Variants in ZC3H4 observed in about 807,000 individuals in gnomAD.
The protein encoded by ZC3H4 is zinc finger CCCH-type containing 4, also known as zinc finger CCCH domain-containing protein 4.
ZC3H4 carries 13 observed loss-of-function variants against 108.3 expected under a neutral mutation model. The observed-to-expected ratio is 0.12, with a 90% CI of 0.08 to 0.19. The LOEUF (loss-of-function observed/expected upper bound fraction) is 0.19, where lower values mean the gene tolerates loss of function less well. Among genes scored for constraint, ZC3H4 ranks in the 10% least tolerant of loss-of-function variants. ZC3H4 has a pLI of 1.00. For missense variants in ZC3H4, 1,734 were observed against 1,838.8 expected (o/e 0.94, Z 1.04); for synonymous variants, 917 against 749.6 (o/e 1.22, Z -3.65).
intron 4 of ZC3H4, among the ~76,000 whole-genome samples, chr19:47,090,747 C>G (rs549020112): frequency 6.6e-5 from 10 of 152,116 alleles, no homozygotes; most frequent in Admixed American, 3.9e-4. Flanking sequence ...GGAGTAACGA[C>G]GAATATGTAA....
chr19:47,089,704 C>CT (rs1394613223), intron 5 of ZC3H4, among the ~76,000 whole-genome samples: 7 of 101,080 alleles, frequency 6.9e-5, no homozygotes, highest in Non-Finnish European at 2.1e-4. Context: ...CTGTTCCCTT[C>CT]TCCCCCCACA....
chr19:47,069,833 A>G (rs1028106543), intron 13 of ZC3H4, among the ~76,000 whole-genome samples: 8 of 152,184 alleles, frequency 5.3e-5, no homozygotes, highest in South Asian at 2.1e-4. Context: ...AGAGAATGAA[A>G]CGGGTCAAGT....
intron 11 of ZC3H4, among the ~76,000 whole-genome samples, chr19:47,079,855 C>A (rs1205988257): frequency 2.0e-5 from 3 of 152,136 alleles, no homozygotes; most frequent in African/African-American, 7.2e-5. Flanking sequence ...CCACTGCACT[C>A]CAGCCTGGGT....
intron 11 of ZC3H4, among the ~76,000 whole-genome samples, chr19:47,073,124 T>C (rs1354273384): frequency 6.8e-6 from 1 of 146,248 alleles, no homozygotes; most frequent in African/African-American, 2.6e-5. Context: ...AATACAAAAA[T>C]TAGCCAGGCA....
At chr19:47,105,049 A>G (rs1046916126) in intron 2 of ZC3H4, among the ~76,000 whole-genome samples, 1 of 152,194 alleles carries the variant, frequency 6.6e-6, no homozygotes, top group Non-Finnish European at 1.5e-5. Flanking sequence ...AGTGGAACGC[A>G]GGGAGAATGG....
Position 47,085,365 on chromosome 19 carries a change from G to C in ZC3H4, c.920C>G (p.Ser307Cys). The C allele has an allele frequency of 6.2e-7, 1 of 1,603,948 alleles. No individual in the cohort carries two copies. Among genetic ancestry groups the C allele is most frequent in the Non-Finnish European group, 8.5e-7 (1 of 1,174,750 alleles). ...PMGDDDYDEY[S>C]KELNQYRRSK... ...GCGGCGGTACTGGTTCAGCTCCTTGGAGTACTCGTCATAGTCGTCGTCTCC... is the reference window on the plus strand; with the variant it reads ...GCGGCGGTACTGGTTCAGCTCCTTGCAGTACTCGTCATAGTCGTCGTCTCC... Residue 307 changes from serine (S) to cysteine (C), a missense_variant, in exon 7 of 15, where the codon TCC becomes TGC. By Grantham distance (112) the Ser-to-Cys change is moderately radical (BLOSUM62 -1). Around this residue, in one of 9 missense-constraint regions of ZC3H4, gnomAD observed 403 missense variants for 457.0 expected, o/e 0.88. Coordinates refer to ENST00000253048, the MANE Select transcript of ZC3H4 (RefSeq NM_015168.2).
chr19:47,099,315 C>T (rs1247323016), intron 2 of ZC3H4, among the ~76,000 whole-genome samples: 1 of 152,060 alleles, frequency 6.6e-6, no homozygotes, highest in Non-Finnish European at 1.5e-5. Flanking sequence ...CAAAATTAGT[C>T]GGGCTTGGAA....
chr19:47,069,199 G>A lies in ZC3H4; in HGVS notation c.2291C>T (p.Ser764Leu), dbSNP rs2057279320. Residue 764 changes from serine (S) to leucine (L), a missense_variant, in exon 14 of 15, where the codon TCA (serine) becomes TTA (leucine). Ser to Leu is a moderately radical substitution (Grantham distance 145, BLOSUM62 -2). This residue lies in a region of ZC3H4 where 540 missense variants were observed against 484.1 expected (regional missense o/e 1.12). Transcript: ENST00000253048. ...PGAGVPDFLP[S>L]AQRALYLRIQ... ...CCTCAGGTACAGGGCCCTCTGGGCT[G>A]AGGGCAGGAAGTCAGGGACACCGGC... The A allele has an allele frequency of 6.2e-7, 1 of 1,611,998 alleles. No individual in the cohort carries two copies. Among genetic ancestry groups the A allele is most frequent in the South Asian group, 1.1e-5 (1 of 91,088 alleles).
At position 47,084,418 on chromosome 19, in the gene ZC3H4, T is replaced by A. The variant is rs377292736; in HGVS notation, c.1145A>T (p.Asp382Val). ...GGGSYRSRDH[D>V]KPHQQSDKKG... is the part of the protein sequence containing the mutation. The stretch of plus-strand genomic sequence containing the variant: ...CTTGTCCGACTGCTGGTGGGGCTTG[T>A]CATGGTCACGACTCCGGTAGCTTCC... Residue 382 changes from aspartate to valine, a missense_variant, in exon 9 of 15, where the codon GAC becomes GTC. Physicochemically the swap from Asp to Val is radical, Grantham distance 152 (BLOSUM62 -3). This residue lies in a region of ZC3H4 where 403 missense variants were observed against 457.0 expected (regional missense o/e 0.88). Coordinates refer to ENST00000253048, the MANE Select transcript of ZC3H4 (RefSeq NM_015168.2). The A allele has an allele frequency of 8.7e-6, 14 of 1,614,064 alleles. No individual in the cohort carries two copies. Among genetic ancestry groups the A allele is most frequent in the Non-Finnish European group, 1.2e-5 (14 of 1,180,034 alleles).
rs774605570 is a variant in ZC3H4, at chr19:47,094,390, T to C, written c.380A>G (p.Lys127Arg). The C allele has an allele frequency of 2.5e-6, 4 of 1,613,872 alleles. No individual in the cohort carries two copies. In the African/African-American group the frequency reaches 5.3e-5, roughly 22 times the overall value. The change falls in exon 3 of 15, where the codon AAA becomes AGA. Residue 127 changes from lysine (K) to arginine (R), a missense_variant and splice_region_variant. Coordinates refer to ENST00000253048, the MANE Select transcript of ZC3H4 (RefSeq NM_015168.2). ...RSKKRRKSKHKRHASSSDDFS... is the reference protein window; with the variant it reads ...RSKKRRKSKHRRHASSSDDFS... ...AGTCCCAGGGGATCTCCGACCTACT[T>C]TGTGCTTGGATTTCCTCCTCTTCTT...
intron 11 of ZC3H4, among the ~76,000 whole-genome samples, chr19:47,077,440 C>T (rs1369836595): frequency 9.3e-5 from 14 of 151,336 alleles, no homozygotes; most frequent in Non-Finnish European, 1.9e-4. Context: ...TGCACTCCAG[C>T]CTTGGCAACA....
In ZC3H4 at chr19:47,081,631, C is replaced by T; in HGVS notation, c.1331-9G>A. 6.2e-7 allele frequency: 1 copy of T among 1,611,998 alleles called. No homozygotes were observed. The highest frequency in any genetic ancestry group is 2.2e-5 in the East Asian group (1 of 44,884). On this transcript the variant is annotated splice_polypyrimidine_tract_variant and intron_variant, in intron 10 of 14. Coordinates refer to ENST00000253048, the MANE Select transcript of ZC3H4 (RefSeq NM_015168.2). The stretch of plus-strand genomic sequence containing the variant: ...CTTACACGGGAAATCACGTTCATGG[C>T]AAATTAAGGTAAATGCTTCATCTCA...
intron 2 of ZC3H4, chr19:47,111,102 T>TGG: frequency 6.2e-6 from 1 of 162,224 alleles, no homozygotes; most frequent in Non-Finnish European, 1.3e-5. Context: ...GGAGTAGCCA[T>TGG]CTGTCCAGAG....
Position 47,085,419 on chromosome 19 carries a change from A to C in ZC3H4, c.871-5T>G. The C allele has an allele frequency of 2.5e-6, 4 of 1,579,946 alleles. No homozygotes were observed. Among genetic ancestry groups the C allele is most frequent in the Non-Finnish European group, 3.4e-6 (4 of 1,164,394 alleles). On this transcript the variant is annotated splice_region_variant and splice_polypyrimidine_tract_variant and intron_variant, in intron 6 of 14. Transcript: ENST00000253048. Reference sequence around the variant, plus strand: ...TGGCTCCTCACTCTCTCCATACTGGAATGCGCAGAGGAGAGGGCAGGAGAG... The same window carrying C: ...TGGCTCCTCACTCTCTCCATACTGGCATGCGCAGAGGAGAGGGCAGGAGAG...
chr19:47,097,344 A>G (rs8101091), intron 2 of ZC3H4, among the ~76,000 whole-genome samples: 92,984 of 152,116 alleles, frequency 0.61, 29,412 homozygotes, highest in Non-Finnish European at 0.71. Context: ...GACGGTTGAT[A>G]AAGGGGCACT....
rs559220357 is a variant in ZC3H4 at position 47,097,314 on chromosome 19, TTTG to T, written c.162-2709_162-2707del. 9.4e-4 allele frequency among the ~76,000 whole-genome samples: 143 copies of T among 152,326 alleles called. 2 individuals carry two copies. The South Asian group carries it at 0.028, about 30-fold the overall frequency. ...GAGGCAGAGAAATACATAGGATTTT[TTTG>T]TTGTTGTTAAACTGCTGACGGTTGA... On this transcript the variant is annotated intron_variant, in intron 2 of 14. Coordinates refer to ENST00000253048, the MANE Select transcript of ZC3H4 (RefSeq NM_015168.2).
intron 2 of ZC3H4, among the ~76,000 whole-genome samples, chr19:47,105,377 G>C (rs2057955592): frequency 6.6e-6 from 1 of 152,182 alleles, no homozygotes. Flanking sequence ...AAGGAGGGTG[G>C]ATCACTCGAG....
intron 13 of ZC3H4, among the ~76,000 whole-genome samples, chr19:47,070,871 C>T (rs1599974681): frequency 3.3e-5 from 5 of 152,334 alleles, no homozygotes; most frequent in Admixed American, 2.6e-4. Context: ...GGGGCTCCCA[C>T]TGCCCCACGG....
chr19:47,081,982 CA>C (rs1192923557), intron 10 of ZC3H4, among the ~76,000 whole-genome samples: 1 of 152,120 alleles, frequency 6.6e-6, no homozygotes, highest in Non-Finnish European at 1.5e-5. Flanking sequence ...GCTCCATGTG[CA>C]TCTCAGTTTA....
Sources: gnomAD v4.1 joint callset for allele counts (sites outside exome capture counted in the v4.1 genomes callset) on GRCh38, gnomAD v4.1.1 for gene constraint, gnomAD v4.1.1 regional missense constraint, MANE v1.5 for transcripts, NCBI Gene and HGNC (gene_info 2026-07-23, HGNC 2026-07-21) for gene names.